Variants in PACRG observed in about 807,000 individuals in gnomAD.
PACRG encodes the protein parkin coregulated.
A neutral mutation model predicts 29.7 loss-of-function variants in PACRG; 29 were observed. The observed-to-expected ratio is 0.98, with a 90% CI of 0.73 to 1.33. PACRG has a LOEUF of 1.33. Ranked by LOEUF, PACRG falls within the 40% of genes most tolerant of loss-of-function variation. The probability of loss-of-function intolerance (pLI) is 0.00; values close to 1 mark genes in which losing one functional copy is unlikely to be tolerated. For missense variants in PACRG, 279 were observed against 316.2 expected, an observed-to-expected ratio of 0.88 and a Z score of 0.89; for synonymous variants, 116 against 118.7, an observed-to-expected ratio of 0.98 and a Z score of 0.15.
At chr6:162,727,694 GGCCAGGAACAGGCCCATGCGCGCAGCGGC>G, upstream of PACRG, 2 of 1,568,658 alleles carry the variant, frequency 1.3e-6, no homozygotes, top group Non-Finnish European at 1.7e-6. Context: ...GGCGGCTGCG[GGCCAGGAACAGGCCCATGCGCGCAGCGGC>G]GCCAGCCGCG....
intron 2 of PACRG, among the ~76,000 whole-genome samples, chr6:163,007,504 C>T (rs1363662768): frequency 2.0e-5 from 3 of 151,940 alleles, no homozygotes; most frequent in African/African-American, 7.3e-5. Context: ...TTTGTGCTCC[C>T]TTTTGAAAGT....
intron 4 of PACRG, among the ~76,000 whole-genome samples, chr6:163,288,922 C>T (rs78045600): frequency 0.019 from 2,867 of 152,220 alleles, 93 homozygotes; most frequent in African/African-American, 0.065. Flanking sequence ...CAGATGCGGC[C>T]CTTCCTTAGT....
intron 2 of PACRG, among the ~76,000 whole-genome samples, chr6:162,984,623 A>T (rs977673054): frequency 6.6e-6 from 1 of 151,946 alleles, no homozygotes; most frequent in Non-Finnish European, 1.5e-5. Flanking sequence ...GTACTAGTTT[A>T]CATTCCCATC....
intron 2 of PACRG, among the ~76,000 whole-genome samples, chr6:162,968,328 T>A (rs6906775): frequency 0.67 from 102,329 of 152,124 alleles, 34,605 homozygotes; most frequent in East Asian, 0.79. Context: ...AATTTATTTT[T>A]TGAAATTATA....
At chr6:163,225,054 C>G (rs1355782885) in intron 4 of PACRG, among the ~76,000 whole-genome samples, 1 of 152,204 alleles carries the variant, frequency 6.6e-6, no homozygotes, top group East Asian at 1.9e-4. Flanking sequence ...AGACATTTCT[C>G]AAAAGAAGAC....
intron 2 of PACRG, among the ~76,000 whole-genome samples, chr6:163,015,451 T>G (rs1806006199): frequency 6.6e-6 from 1 of 152,204 alleles, no homozygotes; most frequent in Non-Finnish European, 1.5e-5. Context: ...AGTATGGTCA[T>G]TTTAATGATA....
At chr6:163,076,722 AATGCCCATTCTCAC>A (rs754724405) in intron 3 of PACRG, among the ~76,000 whole-genome samples, 1 of 152,026 alleles carries the variant, frequency 6.6e-6, no homozygotes, top group African/African-American at 2.4e-5. Context: ...CATTTTTCGG[AATGCCCATTCTCAC>A]ATCCCCAGAT....
intron 1 of PACRG, among the ~76,000 whole-genome samples, chr6:162,787,796 G>A (rs1238580204): frequency 6.7e-6 from 1 of 149,184 alleles, no homozygotes. Context: ...AAGTTCAAGT[G>A]GGGAGACATA....
rs187921737 is a variant in PACRG, at chr6:162,962,473, T to C, written c.292-99677T>C. Among the ~76,000 whole-genome samples, 17 of 152,228 alleles carry C rather than the reference T, an allele frequency of 1.1e-4. No homozygotes were observed. In the East Asian group the frequency reaches 3.3e-3, roughly 29 times the overall value. ...CACACCTTGAAGCCCCAAACCCCAA[T>C]GTGATAGCATTTGGAAGTGGTGTGT... On this transcript the variant is annotated intron_variant, in intron 2 of 4. Transcript: ENST00000366888.
rs1791126437 is a variant in PACRG at position 162,853,761 on chromosome 6, C to T, written c.291+39480C>T. Among the ~76,000 whole-genome samples the T allele has an allele frequency of 6.6e-6, 1 of 152,260 alleles. No homozygotes were observed. The highest frequency in any genetic ancestry group is 6.5e-5 in the Admixed American group (1 of 15,304). On this transcript the variant is annotated intron_variant, in intron 2 of 4. Coordinates refer to ENST00000366888, the MANE Select transcript of PACRG (RefSeq NM_001080379.2). The surrounding 1 kb of genome is among the most constrained non-coding windows in gnomAD (Gnocchi z 4.7). ...CATGTACCCCTAAACCTAAAATAAACATTTTTTAAAAAGCTATACTACCAG... is the reference window on the plus strand; with the variant it reads ...CATGTACCCCTAAACCTAAAATAAATATTTTTTAAAAAGCTATACTACCAG...
intron 2 of PACRG, among the ~76,000 whole-genome samples, chr6:162,872,828 G>A (rs1282813742): frequency 6.6e-6 from 1 of 152,212 alleles, no homozygotes; most frequent in East Asian, 1.9e-4. Context: ...AGCACAGTTT[G>A]CATAAAGAGA....
intron 2 of PACRG, among the ~76,000 whole-genome samples, chr6:163,021,398 C>A (rs1194445398): frequency 6.6e-6 from 1 of 152,176 alleles, no homozygotes; most frequent in African/African-American, 2.4e-5. Flanking sequence ...TCCTTTATTT[C>A]AACCATTTCC....
chr6:163,117,709 C>G (rs1449521062), intron 4 of PACRG, among the ~76,000 whole-genome samples: 1 of 150,904 alleles, frequency 6.6e-6, no homozygotes, highest in African/African-American at 2.4e-5. Flanking sequence ...CGAGATTGCA[C>G]CACTGCACTC....
At chr6:163,217,072 G>A (rs550883791) in intron 4 of PACRG, among the ~76,000 whole-genome samples, 43 of 152,302 alleles carry the variant, frequency 2.8e-4, no homozygotes, top group African/African-American at 9.6e-4. Context: ...CAAAACTTCC[G>A]TTGAGTCCTA....
intron 1 of PACRG, among the ~76,000 whole-genome samples, chr6:162,769,127 A>T (rs1414572166): frequency 1.3e-5 from 2 of 152,244 alleles, no homozygotes; most frequent in South Asian, 4.1e-4. Flanking sequence ...GTAAAACAGC[A>T]TATGGGGGAG....
At chr6:163,022,982 G>A (rs1806778844) in intron 2 of PACRG, among the ~76,000 whole-genome samples, 1 of 152,010 alleles carries the variant, frequency 6.6e-6, no homozygotes, top group Non-Finnish European at 1.5e-5. Context: ...CTGGAGAATT[G>A]CAATGCATGT....
At chr6:163,078,897 T>C (rs1812807272) in intron 3 of PACRG, among the ~76,000 whole-genome samples, 1 of 152,156 alleles carries the variant, frequency 6.6e-6, no homozygotes, top group Non-Finnish European at 1.5e-5. Context: ...AGATTCTATG[T>C]TTGCTGTGCC....
intron 4 of PACRG, among the ~76,000 whole-genome samples, chr6:163,268,007 TAGAA>T (rs749207223): frequency 3.2e-4 from 48 of 152,330 alleles, no homozygotes; most frequent in Admixed American, 5.9e-4. Context: ...TAAAGTAATT[TAGAA>T]AGAAAAATTT....
chr6:162,900,485 T>C (rs1013700260), intron 2 of PACRG, among the ~76,000 whole-genome samples: 2 of 152,208 alleles, frequency 1.3e-5, no homozygotes, highest in Admixed American at 6.5e-5. Flanking sequence ...GATAGTCTCA[T>C]GTGAACAATC....
Sources: allele counts gnomAD v4.1 joint callset (sites outside exome capture counted in the v4.1 genomes callset), GRCh38; gene constraint gnomAD v4.1.1; non-coding constraint Gnocchi (gnomAD v3.1); transcripts MANE v1.5; gene names NCBI Gene and HGNC (gene_info 2026-07-23, HGNC 2026-07-21).